The following DMD variants were observed in gnomAD, a reference collection of about 807,000 sequenced individuals.
DMD encodes the protein mutant dystrophin.
DMD carries 63 observed loss-of-function variants against 330.1 expected under a neutral mutation model. The ratio of observed to expected loss-of-function variants is 0.19; its 90% CI spans 0.16 to 0.24. The LOEUF is 0.24. Among genes scored for constraint, DMD ranks in the 10% least tolerant of loss-of-function variants. DMD has a pLI of 1.00. For synonymous variants in DMD, 1,223 were observed against 959.8 expected, an observed-to-expected ratio of 1.27 and a Z score of -5.07; for missense variants, 3,344 against 2,684.1, an observed-to-expected ratio of 1.25 and a Z score of -5.43.
chrX:31,306,316 C>A (rs1157811884), intron 62 of DMD, among the ~76,000 whole-genome samples: 1 of 111,373 alleles, frequency 9.0e-6, no homozygotes, highest in Non-Finnish European at 1.9e-5. Flanking sequence ...TATCATTTCC[C>A]CATATTTCAC....
chrX:31,807,370 T>C (rs1222188062), intron 50 of DMD, among the ~76,000 whole-genome samples: 4 of 111,610 alleles, frequency 3.6e-5, no homozygotes, highest in African/African-American at 1.3e-4. Flanking sequence ...TGGTACCCTA[T>C]AGATTTTCCA....
rs56794668 is a variant in DMD at position 33,026,313 on chromosome X, C to CAAAAAAAAAAAAAAAAAAAAAAAAAAAAA, written c.32-6142_32-6114dup. 1.8e-4 allele frequency among the ~76,000 whole-genome samples: 6 copies of CAAAAAAAAAAAAAAAAAAAAAAAAAAAAA among 32,782 alleles called. 1 individual carries two copies. The highest frequency in any genetic ancestry group is 7.9e-4 in the East Asian group (1 of 1,260). The allele number at this position is 32,782 out of a possible 115,157, so 28.5% of individuals were successfully genotyped here. Reference sequence around the variant, plus strand: ...CTGGGGGACAGAGGAGACTCCGTCTCAAAAAAAAAAAAAAAAAAAAAAAAA... The same window carrying CAAAAAAAAAAAAAAAAAAAAAAAAAAAAA: ...CTGGGGGACAGAGGAGACTCCGTCTCAAAAAAAAAAAAAAAAAAAAAAAAAAAAAAAAAAAAAAAAAAAAAAAAAAAAAA... On this transcript the variant is annotated intron_variant, in intron 1 of 78. Transcript: ENST00000357033.
Position 32,010,438 on chromosome X carries a change from C to T in DMD, c.6439-41924G>A, listed in dbSNP as rs1038485975. On this transcript the variant is annotated intron_variant, in intron 44 of 78. Transcript: ENST00000357033. The stretch of plus-strand genomic sequence containing the variant: ...CTGCAAATCAGACACTCTCTCTCCC[C>T]GCCAAGAGCCTCTTGTTAAACATTT... 4.5e-5 allele frequency among the ~76,000 whole-genome samples: 5 copies of T among 111,520 alleles called. 1 individual carries two copies. The Admixed American group carries it at 4.8e-4, about 11-fold the overall frequency.
At chrX:32,926,837 C>A (rs973265518) in intron 2 of DMD, among the ~76,000 whole-genome samples, 5 of 108,767 alleles carry the variant, frequency 4.6e-5, no homozygotes, top group African/African-American at 1.7e-4. Context: ...CTGAGCCATT[C>A]ATATATATAT....
At chrX:31,346,050 G>A (rs1337920596) in intron 61 of DMD, among the ~76,000 whole-genome samples, 1 of 111,006 alleles carries the variant, frequency 9.0e-6, no homozygotes, top group African/African-American at 3.3e-5. Flanking sequence ...TTAACCCGTG[G>A]AGAATGGAAA....
rs1603633459 is a variant in DMD at position 32,437,212 on chromosome X, C to T, written c.4071+1029G>A. 5.4e-5 allele frequency among the ~76,000 whole-genome samples: 6 copies of T among 112,045 alleles called. 1 individual carries two copies. Among genetic ancestry groups the T allele is most frequent in the Admixed American group, 4.7e-4 (5 of 10,574 alleles). On this transcript the variant is annotated intron_variant, in intron 29 of 78. Coordinates refer to ENST00000357033, the MANE Select transcript of DMD (RefSeq NM_004006.3). Reference sequence around the variant, plus strand: ...GAGATTGTTTGGAATTCCCCTTTTCCAATCCCCAATTCCTTATGTTGATTT... The same window carrying T: ...GAGATTGTTTGGAATTCCCCTTTTCTAATCCCCAATTCCTTATGTTGATTT...
intron 48 of DMD, among the ~76,000 whole-genome samples, chrX:31,837,317 G>A (rs2093222747): frequency 9.0e-6 from 1 of 111,535 alleles, no homozygotes; most frequent in Non-Finnish European, 1.9e-5. Flanking sequence ...TTAAAGCACA[G>A]TATCAAAGCT....
At chrX:31,829,462 ATT>A (rs200083654) in intron 49 of DMD, among the ~76,000 whole-genome samples, 15,632 of 108,359 alleles carry the variant, frequency 0.14, 1,328 homozygotes, top group African/African-American at 0.31. Flanking sequence ...ATAAAAAAAA[ATT>A]TTTTAATTAA....
chrX:32,031,810 T>G (rs1453079291), intron 44 of DMD, among the ~76,000 whole-genome samples: 1 of 111,937 alleles, frequency 8.9e-6, no homozygotes, highest in East Asian at 2.8e-4. Flanking sequence ...TATAGGAGTT[T>G]TACTCATCTC....
Position 32,545,298 on chromosome X carries a change from T to C in DMD, c.2029A>G (p.Thr677Ala). Residue 677 changes from threonine to alanine, a missense_variant, in exon 17 of 79, where the codon ACA becomes GCA. By Grantham distance (58) the Thr-to-Ala change is moderately conservative. Coordinates refer to ENST00000357033, the MANE Select transcript of DMD (RefSeq NM_004006.3). Reference protein sequence around the residue: ...QAVTTTQPSLTQTTVMETVTT... With the variant: ...QAVTTTQPSLAQTTVMETVTT... ...ACTGTTTCCATTACAGTTGTCTGTG[T>C]TAGTGATGGCTGAGTGGTGGTGACA... The C allele has an allele frequency of 8.3e-7, 1 of 1,210,974 alleles. No individual in the cohort carries two copies. The highest frequency in any genetic ancestry group is 1.1e-6 in the Non-Finnish European group (1 of 894,979).
intron 9 of DMD, among the ~76,000 whole-genome samples, chrX:32,666,070 C>T (rs976501538): frequency 2.7e-5 from 3 of 110,854 alleles, no homozygotes; most frequent in African/African-American, 9.8e-5. Flanking sequence ...TTCAACAAAA[C>T]AGAAGTAGGG....
At chrX:32,629,482 T>A (rs1282713517) in intron 11 of DMD, among the ~76,000 whole-genome samples, 4 of 111,467 alleles carry the variant, frequency 3.6e-5, no homozygotes, top group Non-Finnish European at 7.5e-5. Context: ...TGTCACTCAA[T>A]GTATTTAGAT....
At chrX:31,905,910 G>C (rs1439515284) in intron 47 of DMD, among the ~76,000 whole-genome samples, 1 of 111,675 alleles carries the variant, frequency 9.0e-6, no homozygotes, top group Non-Finnish European at 1.9e-5. Context: ...TTTTTAAATG[G>C]TTCATGAAAT....
chrX:31,431,356 T>A (rs1450627379), intron 60 of DMD, among the ~76,000 whole-genome samples: 1 of 111,653 alleles, frequency 9.0e-6, no homozygotes, highest in Non-Finnish European at 1.9e-5. Flanking sequence ...ATTTTTTTCC[T>A]GCCAGCTGTT....
rs779762351 is a variant in DMD, at chrX:32,441,219, G to A, written c.3882C>T (p.Asn1294=). Reference sequence around the variant, plus strand: ...AGATTTCCTCAGCTCCGCCAGGAATGTTTTCAGTGGTTTTAAGTTTAAATT... The same window carrying A: ...AGATTTCCTCAGCTCCGCCAGGAATATTTTCAGTGGTTTTAAGTTTAAATT... ...EVEFKLKTTE[N]IPGGAEEISE... Residue 1294 remains asparagine, a synonymous_variant, in exon 28 of 79, where the codon AAC becomes AAT. Coordinates refer to ENST00000357033, the MANE Select transcript of DMD (RefSeq NM_004006.3). 8.3e-7 allele frequency: 1 copy of A among 1,208,640 alleles called. No homozygotes were observed. The highest frequency in any genetic ancestry group is 1.1e-6 in the Non-Finnish European group (1 of 893,229).
chrX:31,437,543 G>T (rs2064622222), intron 60 of DMD, among the ~76,000 whole-genome samples: 1 of 111,118 alleles, frequency 9.0e-6, no homozygotes, highest in Non-Finnish European at 1.9e-5. Context: ...TATAATGAGT[G>T]CTACATGTAC....
In DMD at chrX:32,565,832, T is replaced by C; in HGVS notation, c.1862A>G (p.Tyr621Cys). 1 of 1,211,116 alleles carries C rather than the reference T, an allele frequency of 8.3e-7. No individual in the cohort carries two copies. Among genetic ancestry groups the C allele is most frequent in the Non-Finnish European group, 1.1e-6 (1 of 894,822 alleles). Reference sequence around the variant, plus strand: ...TGAAAGAAGATCTTGTTTGAGTGAATACAGTTTGCCCATGGATTGCTTTTT... The same window carrying C: ...TGAAAGAAGATCTTGTTTGAGTGAACACAGTTTGCCCATGGATTGCTTTTT... ...EKKKQSMGKL[Y>C]SLKQDLLSTL... The change falls in exon 16 of 79, where the codon TAT (tyrosine) becomes TGT (cysteine). Residue 621 changes from tyrosine (Y) to cysteine (C), a missense_variant. Transcript: ENST00000357033.
chrX:31,176,964 C>G (rs1342907216), intron 71 of DMD, among the ~76,000 whole-genome samples: 1 of 110,666 alleles, frequency 9.0e-6, no homozygotes, highest in East Asian at 2.8e-4. Context: ...TATGGTGGAA[C>G]AATAAAAAAG....
intron 44 of DMD, among the ~76,000 whole-genome samples, chrX:32,164,388 C>T (rs181688283): frequency 2.0e-3 from 224 of 111,217 alleles, no homozygotes; most frequent in African/African-American, 6.9e-3. Context: ...CAGAGGTGGT[C>T]TCAGATGGAG....
Sources: allele counts gnomAD v4.1 joint callset (sites outside exome capture counted in the v4.1 genomes callset), GRCh38; gene constraint gnomAD v4.1.1; transcripts MANE v1.5; gene names NCBI Gene and HGNC (gene_info 2026-07-23, HGNC 2026-07-21).